Variants in DCLK2 observed in about 807,000 individuals in gnomAD.
DCLK2 encodes the protein doublecortin like kinase 2.
DCLK2 carries 31 observed loss-of-function variants against 78.4 expected under a neutral mutation model. The ratio of observed to expected loss-of-function variants is 0.40; its 90% CI spans 0.30 to 0.53. DCLK2 has a LOEUF of 0.53. Ranked by LOEUF, DCLK2 falls within the 20% of genes least tolerant of loss-of-function variation. The probability of loss-of-function intolerance (pLI) is 0.61; values close to 1 mark genes in which losing one functional copy is unlikely to be tolerated. For missense variants in DCLK2, 872 were observed against 973.7 expected (o/e 0.90, Z 1.39); for synonymous variants, 407 against 374.9 (o/e 1.09, Z -0.99).
At chr4:150,176,400 G>T (rs1239628059) in intron 2 of DCLK2, among the ~76,000 whole-genome samples, 5 of 152,158 alleles carry the variant, frequency 3.3e-5, no homozygotes, top group African/African-American at 1.2e-4. Context: ...TTCCTGAGCT[G>T]CTGCAAGCTC....
chr4:150,174,995 C>T (rs1415882629), intron 2 of DCLK2, among the ~76,000 whole-genome samples: 3 of 6,724 alleles, frequency 4.5e-4, no homozygotes, highest in Non-Finnish European at 8.6e-4. Flanking sequence ...GAGACTCCGT[C>T]GCAAAAAAAA....
chr4:150,135,676 C>T (rs995617227), intron 2 of DCLK2, among the ~76,000 whole-genome samples: 1 of 152,200 alleles, frequency 6.6e-6, no homozygotes, highest in Non-Finnish European at 1.5e-5. Context: ...TCATCTGTCT[C>T]ACAAACTTGA....
intron 10 of DCLK2, among the ~76,000 whole-genome samples, chr4:150,235,940 A>G (rs1346561691): frequency 6.6e-6 from 1 of 152,166 alleles, no homozygotes; most frequent in East Asian, 1.9e-4. Context: ...TAATGCTGTG[A>G]GTTACAGCCT....
intron 1 of DCLK2, among the ~76,000 whole-genome samples, chr4:150,089,688 G>A (rs965666406): frequency 6.6e-6 from 1 of 152,236 alleles, no homozygotes; most frequent in African/African-American, 2.4e-5. Flanking sequence ...GTATGCTTAT[G>A]TATATAGGTT....
intron 8 of DCLK2, among the ~76,000 whole-genome samples, chr4:150,227,010 A>G (rs777631744): frequency 2.6e-5 from 4 of 152,186 alleles, no homozygotes; most frequent in Non-Finnish European, 5.9e-5. Context: ...CCAGGCTTGG[A>G]TATATAGGAA....
intron 2 of DCLK2, among the ~76,000 whole-genome samples, chr4:150,139,454 A>T (rs556037461): frequency 1.3e-5 from 2 of 152,310 alleles, no homozygotes; most frequent in African/African-American, 4.8e-5. Context: ...GATAGCCTGG[A>T]TTCAGATGAC....
chr4:150,248,354 C>A lies in DCLK2; in HGVS notation c.1925C>A (p.Ala642Glu). 1 of 1,613,922 alleles carries A rather than the reference C, an allele frequency of 6.2e-7. No individual in the cohort carries two copies. Among genetic ancestry groups the A allele is most frequent in the Non-Finnish European group, 8.5e-7 (1 of 1,179,992 alleles). Residue 642 changes from alanine (A) to glutamate (E), a missense_variant, in exon 14 of 16, where the codon GCG becomes GAG. Ala to Glu is a moderately radical substitution (Grantham distance 107, BLOSUM62 -1). Transcript: ENST00000296550. ...GTAAATGTTGAAGCTCGGTGTACCGCGGGACAAATCCTGAGTCACCCCTGG... is the reference window on the plus strand; with the variant it reads ...GTAAATGTTGAAGCTCGGTGTACCGAGGGACAAATCCTGAGTCACCCCTGG... ...LQVNVEARCT[A>E]GQILSHPWVS...
At chr4:150,209,487 T>C (rs1306743868) in intron 5 of DCLK2, among the ~76,000 whole-genome samples, 2 of 152,232 alleles carry the variant, frequency 1.3e-5, no homozygotes, top group Non-Finnish European at 2.9e-5. Flanking sequence ...CTCTAATTCT[T>C]AAGTTTTTTT....
intron 3 of DCLK2, among the ~76,000 whole-genome samples, chr4:150,197,645 C>T (rs1739148649): frequency 6.6e-6 from 1 of 152,024 alleles, no homozygotes; most frequent in Non-Finnish European, 1.5e-5. Flanking sequence ...ATCCCAGCTA[C>T]TTGGGAGGCT....
intron 2 of DCLK2, among the ~76,000 whole-genome samples, chr4:150,106,412 A>G (rs906623411): frequency 1.1e-4 from 16 of 152,248 alleles, no homozygotes; most frequent in African/African-American, 3.9e-4. Context: ...ATGTAAAACT[A>G]TCAGCATTCT....
At chr4:150,146,838 G>A (rs146121140) in intron 2 of DCLK2, among the ~76,000 whole-genome samples, 95 of 152,180 alleles carry the variant, frequency 6.2e-4, no homozygotes, top group Middle Eastern at 3.4e-3. Flanking sequence ...AGTGAAGATA[G>A]GGTTTCAAGT....
chr4:150,098,572 G>A (rs1406686221), intron 1 of DCLK2, among the ~76,000 whole-genome samples: 3 of 152,272 alleles, frequency 2.0e-5, no homozygotes, highest in African/African-American at 7.2e-5. Flanking sequence ...GGTTACATGG[G>A]TGAATTGTCT....
At chr4:150,109,459 C>T (rs373806761) in intron 2 of DCLK2, among the ~76,000 whole-genome samples, 2 of 151,956 alleles carry the variant, frequency 1.3e-5, no homozygotes, top group Non-Finnish European at 1.5e-5. Context: ...CTCAGCCTTC[C>T]GAGTAGCTGA....
chr4:150,245,241 C>T (rs78936974), intron 12 of DCLK2, among the ~76,000 whole-genome samples: 1,597 of 152,282 alleles, frequency 0.01, 23 homozygotes, highest in African/African-American at 0.036. Context: ...GGAAATCACT[C>T]TTTGGGACAG....
At chr4:150,110,594 C>G (rs183380750) in intron 2 of DCLK2, among the ~76,000 whole-genome samples, 13 of 152,142 alleles carry the variant, frequency 8.5e-5, no homozygotes, top group African/African-American at 2.6e-4. Flanking sequence ...GAGTAGTGTA[C>G]ATTGTACCCA....
intron 2 of DCLK2, among the ~76,000 whole-genome samples, chr4:150,168,490 T>C (rs1344978903): frequency 6.6e-6 from 1 of 152,210 alleles, no homozygotes; most frequent in Non-Finnish European, 1.5e-5. Flanking sequence ...GCTCCAAAAC[T>C]TGCCTTGGTC....
intron 1 of DCLK2, among the ~76,000 whole-genome samples, chr4:150,082,656 G>A (rs1729388194): frequency 6.6e-6 from 1 of 152,172 alleles, no homozygotes; most frequent in African/African-American, 2.4e-5. Flanking sequence ...ACCTCTTCCG[G>A]CAGGACTGTG....
chr4:150,165,849 T>G (rs957659062), intron 2 of DCLK2, among the ~76,000 whole-genome samples: 2 of 152,246 alleles, frequency 1.3e-5, no homozygotes, highest in African/African-American at 4.8e-5. Context: ...GATTGGATAA[T>G]GAGGGCAGAG....
chr4:150,093,397 T>C (rs1730230352), intron 1 of DCLK2, among the ~76,000 whole-genome samples: 1 of 152,254 alleles, frequency 6.6e-6, no homozygotes, highest in Non-Finnish European at 1.5e-5. Context: ...TATTTATTTA[T>C]TGAGACGGAG....
Sources: allele counts gnomAD v4.1 joint callset (sites outside exome capture counted in the v4.1 genomes callset), GRCh38; gene constraint gnomAD v4.1.1; transcripts MANE v1.5; gene names NCBI Gene and HGNC (gene_info 2026-07-23, HGNC 2026-07-21).